Variants in TENM2 observed in about 807,000 individuals in gnomAD.
TENM2 encodes teneurin transmembrane protein 2, also known as teneurin-2.
In TENM2, 52 loss-of-function variants were observed where a neutral mutation model predicts 245.2. The ratio of observed to expected loss-of-function variants is 0.21; its 90% CI spans 0.17 to 0.27. The LOEUF is 0.27. Among genes scored for constraint, TENM2 ranks in the 10% least tolerant of loss-of-function variants. The probability of loss-of-function intolerance (pLI) is 1.00; values close to 1 mark genes in which losing one functional copy is unlikely to be tolerated. For synonymous variants in TENM2, 1,363 were observed against 1,438.9 expected (o/e 0.95, Z 1.19); for missense variants, 3,046 against 3,666.8 (o/e 0.83, Z 4.37).
intron 5 of TENM2, among the ~76,000 whole-genome samples, chr5:167,995,883 C>T (rs1784014718): frequency 1.3e-5 from 2 of 152,164 alleles, no homozygotes; most frequent in Admixed American, 1.3e-4. Flanking sequence ...AACAAGCCAT[C>T]AGGGAAGGGC....
chr5:167,696,049 C>CA (rs1249727413), intron 2 of TENM2, among the ~76,000 whole-genome samples: 427 of 138,374 alleles, frequency 3.1e-3, no homozygotes, highest in Non-Finnish European at 3.9e-3. Context: ...AACAAAAAAA[C>CA]AAAAAAAAAA....
At chr5:167,258,938 T>C in the TENM2 span, among the ~76,000 whole-genome samples, 1 of 152,108 alleles carries the variant, frequency 6.6e-6, no homozygotes, top group African/African-American at 2.4e-5. Context: ...AACTTAAGGT[T>C]TATGTATGGG....
chr5:167,773,749 A>C, intron 2 of TENM2, among the ~76,000 whole-genome samples: 1 of 152,126 alleles, frequency 6.6e-6, no homozygotes, highest in East Asian at 1.9e-4. Context: ...AAATGAAGCC[A>C]GAGAGATGGA....
chr5:167,036,993 C>G, the TENM2 span, among the ~76,000 whole-genome samples: 1 of 152,266 alleles, frequency 6.6e-6, no homozygotes, highest in South Asian at 2.1e-4. Context: ...ACTTGGCAAA[C>G]CCTCCCACAC....
chr5:167,015,469 T>C, the TENM2 span, among the ~76,000 whole-genome samples: 1 of 152,228 alleles, frequency 6.6e-6, no homozygotes, highest in Non-Finnish European at 1.5e-5. Context: ...TATGGAACTT[T>C]ACTAACATAG....
chr5:168,215,048 C>G, exon 21 of TENM2: 1 of 1,613,684 alleles, frequency 6.2e-7, no homozygotes, highest in Non-Finnish European at 8.5e-7. Context: ...AGCAACAACC[C>G]AGCACACAAG....
chr5:167,036,648 AG>A, the TENM2 span, among the ~76,000 whole-genome samples: 1 of 152,270 alleles, frequency 6.6e-6, no homozygotes, highest in South Asian at 2.1e-4. Context: ...CCTTTCATGA[AG>A]TTTTCCTTCT....
rs571563926 is a variant in TENM2, at chr5:167,580,298, G to A, written c.502+204825G>A. Among the ~76,000 whole-genome samples the A allele has an allele frequency of 1.9e-3, 282 of 152,266 alleles. 2 individuals are homozygous for A. The highest frequency in any genetic ancestry group is 6.5e-3 in the African/African-American group (270 of 41,560). The stretch of plus-strand genomic sequence containing the variant: ...AAGAGGGAATTATGTAGAAAAATCT[G>A]GTTTTTGTAACTATTCACTAAAGTC... On this transcript the variant is annotated intron_variant, in intron 2 of 28. Coordinates refer to ENST00000518659, the Ensembl canonical transcript of TENM2.
intron 2 of TENM2, among the ~76,000 whole-genome samples, chr5:167,427,547 AAGGACGGGAAGGAAGGGAAGGAAG>A (rs1200258821): frequency 5.3e-4 from 75 of 140,770 alleles, no homozygotes; most frequent in African/African-American, 2.0e-3. Flanking sequence ...GAAGGAAGGG[AAGGACGGGAAGGAAGGGAAGGAAG>A]GAAGGACGGG....
chr5:167,846,010 T>C (rs1340157294), intron 2 of TENM2, among the ~76,000 whole-genome samples: 4 of 152,140 alleles, frequency 2.6e-5, no homozygotes, highest in Non-Finnish European at 5.9e-5. Context: ...TTCTTCGCAA[T>C]GCCCAACTCT....
At chr5:167,179,034 A>G in the TENM2 span, among the ~76,000 whole-genome samples, 2 of 152,172 alleles carry the variant, frequency 1.3e-5, no homozygotes, top group Non-Finnish European at 2.9e-5. Context: ...ATTGAGACAA[A>G]TGGATTGATT....
At chr5:167,580,207 C>A (rs746564104) in intron 2 of TENM2, among the ~76,000 whole-genome samples, 19 of 152,190 alleles carry the variant, frequency 1.2e-4, no homozygotes, top group Non-Finnish European at 1.5e-5. Context: ...ATCATTGGCA[C>A]CTCTGCTAAT....
intron 2 of TENM2, among the ~76,000 whole-genome samples, chr5:167,428,767 T>C (rs1764033738): frequency 6.6e-6 from 1 of 152,162 alleles, no homozygotes; most frequent in African/African-American, 2.4e-5. Flanking sequence ...ATAAATGATA[T>C]CCACCTTCAA....
intron 3 of TENM2, among the ~76,000 whole-genome samples, chr5:167,936,567 A>C (rs1432167442): frequency 6.6e-6 from 1 of 152,198 alleles, no homozygotes; most frequent in Non-Finnish European, 1.5e-5. Flanking sequence ...ACCGTTAAGC[A>C]AGTCTTTCCC....
chr5:168,175,939 C>T (rs577196478), intron 13 of TENM2, among the ~76,000 whole-genome samples: 36 of 152,340 alleles, frequency 2.4e-4, no homozygotes, highest in Non-Finnish European at 4.0e-4. Flanking sequence ...AATATCATCA[C>T]TACCCAACTA....
At chr5:167,759,080 AATCCCAGTTCTGACAC>A (rs928458692) in intron 2 of TENM2, among the ~76,000 whole-genome samples, 14 of 149,978 alleles carry the variant, frequency 9.3e-5, no homozygotes, top group Non-Finnish European at 2.1e-4. Flanking sequence ...CTTGGGTTCA[AATCCCAGTTCTGACAC>A]ATACTAGATT....
chr5:167,117,219 A>T, the TENM2 span, among the ~76,000 whole-genome samples: 1 of 152,210 alleles, frequency 6.6e-6, no homozygotes, highest in African/African-American at 2.4e-5. Context: ...AGAAGCCTAA[A>T]CAGGCTGGGC....
At chr5:168,257,081 G>C (rs1473669594) in intron 27 of TENM2, among the ~76,000 whole-genome samples, 1 of 152,080 alleles carries the variant, frequency 6.6e-6, no homozygotes, top group Non-Finnish European at 1.5e-5. Context: ...ATTGTTGTAG[G>C]GCCTAGGGAG....
intron 3 of TENM2, chr5:167,937,704 T>C (rs1281359461): frequency 6.6e-6 from 1 of 152,202 alleles, no homozygotes; most frequent in Non-Finnish European, 1.5e-5. Context: ...ATTCTGTTTG[T>C]GGTTTCTCCT....
Sources: gnomAD v4.1 joint callset for allele counts (sites outside exome capture counted in the v4.1 genomes callset) on GRCh38, gnomAD v4.1.1 for gene constraint, MANE v1.5 for transcripts, NCBI Gene and HGNC (gene_info 2026-07-23, HGNC 2026-07-21) for gene names.